The following ADCY9 variants were observed in gnomAD, a reference collection of about 807,000 sequenced individuals.
ADCY9 encodes the protein adenylate cyclase type 9.
ADCY9 carries 50 observed loss-of-function variants against 101.5 expected under a neutral mutation model. The ratio of observed to expected loss-of-function variants is 0.49; its 90% CI spans 0.39 to 0.62. The LOEUF (loss-of-function observed/expected upper bound fraction) is 0.62, where lower values mean the gene tolerates loss of function less well. Among genes scored for constraint, ADCY9 ranks in the 20% least tolerant of loss-of-function variants. The pLI is 0.00. For synonymous variants in ADCY9, 905 were observed against 769.3 expected, an observed-to-expected ratio of 1.18 and a Z score of -2.92; for missense variants, 1,662 against 1,800.4, an observed-to-expected ratio of 0.92 and a Z score of 1.39.
rs145973950 is a variant in ADCY9 at position 4,058,754 on chromosome 16, C to G, written c.1694-51196G>C. 5.5e-3 allele frequency among the ~76,000 whole-genome samples: 839 copies of G among 152,188 alleles called. 11 individuals carry two copies. The highest frequency in any genetic ancestry group is 0.019 in the African/African-American group (804 of 41,540). On this transcript the variant is annotated intron_variant, in intron 2 of 10. Coordinates refer to ENST00000294016, the MANE Select transcript of ADCY9 (RefSeq NM_001116.4). ...AAAAGGTGCAGCGGAACTGAGTCCA[C>G]CGAGGAGCTAAAAATCCCTCCGTCT...
In ADCY9 at chr16:3,967,672, C is replaced by CTT. The variant is rs1272840951; in HGVS notation, c.2871-708_2871-707dup. Among the ~76,000 whole-genome samples the CTT allele has an allele frequency of 3.8e-3, 561 of 148,898 alleles. 3 individuals carry two copies. The highest frequency in any genetic ancestry group is 4.5e-3 in the Admixed American group (67 of 14,936). On this transcript the variant is annotated intron_variant, in intron 10 of 10. Coordinates refer to ENST00000294016, the MANE Select transcript of ADCY9 (RefSeq NM_001116.4). ...CCTTCCAAAGTGCTGGGATTACAGG[C>CTT]TTGAACTGTGCTTGGCCTAACATCT...
At chr16:4,073,104 C>CT (rs1377449329) in intron 2 of ADCY9, among the ~76,000 whole-genome samples, 10 of 151,174 alleles carry the variant, frequency 6.6e-5, no homozygotes, top group African/African-American at 9.7e-5. Flanking sequence ...TAAACATTTT[C>CT]TTTTTTTTCA....
chr16:4,031,313 G>A (rs933101276), intron 2 of ADCY9, among the ~76,000 whole-genome samples: 8 of 152,110 alleles, frequency 5.3e-5, no homozygotes, highest in Non-Finnish European at 1.0e-4. Context: ...GTCAGTTAAC[G>A]GTTCAATGGC....
rs538644888 is a variant in ADCY9, at chr16:4,044,371, CA to C, written c.1694-36814del. On this transcript the variant is annotated intron_variant, in intron 2 of 10. Coordinates refer to ENST00000294016, the MANE Select transcript of ADCY9 (RefSeq NM_001116.4). ...CAAAAAAAACAAAAAAACAAAAAAA[CA>C]AAAAAAAAATTCTAAAACACTAGGT... 2.5e-3 allele frequency among the ~76,000 whole-genome samples: 369 copies of C among 147,788 alleles called. 1 individual carries two copies. Among genetic ancestry groups the C allele is most frequent in the African/African-American group, 8.6e-3 (346 of 40,348 alleles).
chr16:4,102,693 G>A (rs1419513419), intron 2 of ADCY9, among the ~76,000 whole-genome samples: 7 of 152,020 alleles, frequency 4.6e-5, no homozygotes, highest in Non-Finnish European at 7.4e-5. Flanking sequence ...CCAAAGTACT[G>A]GGATTACAGG....
intron 2 of ADCY9, among the ~76,000 whole-genome samples, chr16:4,107,966 C>T (rs951148578): frequency 1.3e-5 from 2 of 152,142 alleles, no homozygotes; most frequent in African/African-American, 4.8e-5. Context: ...TGCATACCAG[C>T]GGGTCTCCTC....
At chr16:4,008,522 G>C (rs1358197143) in intron 2 of ADCY9, among the ~76,000 whole-genome samples, 1 of 151,594 alleles carries the variant, frequency 6.6e-6, no homozygotes, top group Admixed American at 6.6e-5. Flanking sequence ...TTCAGGCCTA[G>C]TGTATGCCAC....
intron 2 of ADCY9, 99 bp from the exon 3 acceptor site, chr16:4,007,657 T>C: frequency 9.7e-7 from 1 of 1,032,954 alleles, no homozygotes; most frequent in East Asian, 2.5e-5. Flanking sequence ...TCCTGGAAAG[T>C]TGAGAGTAAA....
intron 2 of ADCY9, among the ~76,000 whole-genome samples, chr16:4,106,833 A>G (rs1158756543): frequency 6.6e-6 from 1 of 152,190 alleles, no homozygotes; most frequent in Non-Finnish European, 1.5e-5. Context: ...GCTGACCAAT[A>G]TGCAGAAACA....
At chr16:4,019,069 G>A (rs970521278) in intron 2 of ADCY9, among the ~76,000 whole-genome samples, 1 of 151,550 alleles carries the variant, frequency 6.6e-6, no homozygotes, top group Non-Finnish European at 1.5e-5. Flanking sequence ...TCGACGTCCT[G>A]GGCTCAAGTG....
intron 3 of ADCY9, among the ~76,000 whole-genome samples, chr16:4,006,219 G>A (rs952157309): frequency 2.6e-5 from 4 of 152,126 alleles, no homozygotes; most frequent in Non-Finnish European, 5.9e-5. Context: ...GGCAGGTGGC[G>A]GCTAGGGATG....
intron 2 of ADCY9, among the ~76,000 whole-genome samples, chr16:4,072,190 T>A (rs1378020923): frequency 6.6e-6 from 1 of 152,132 alleles, no homozygotes; most frequent in Non-Finnish European, 1.5e-5. Flanking sequence ...GCACCCTCCT[T>A]AAAGGCTCAG....
rs566950179 is a variant in ADCY9, at chr16:4,074,725, A to G, written c.1693+39025T>C. ...GGGCAATACCCAGTGGCAAAAAAAA[A>G]AAAAAATAGAAAACACACTAGCAAA... On this transcript the variant is annotated intron_variant, in intron 2 of 10. Coordinates refer to ENST00000294016, the MANE Select transcript of ADCY9 (RefSeq NM_001116.4). 4.6e-5 allele frequency among the ~76,000 whole-genome samples: 7 copies of G among 151,560 alleles called. No individual in the cohort carries two copies. The South Asian group carries it at 1.5e-3, about 32-fold the overall frequency.
intron 2 of ADCY9, among the ~76,000 whole-genome samples, chr16:4,109,299 G>A (rs535110486): frequency 1.3e-5 from 2 of 152,090 alleles, no homozygotes; most frequent in South Asian, 2.1e-4. Flanking sequence ...GTGCAATCAC[G>A]GCTCTCTGCA....
At chr16:3,969,611 TA>T (rs1240143560) in intron 10 of ADCY9, among the ~76,000 whole-genome samples, 3 of 96,430 alleles carry the variant, frequency 3.1e-5, no homozygotes, top group African/African-American at 1.7e-4. Flanking sequence ...TATATATATG[TA>T]TTTTTTTTTT....
At chr16:4,007,130 G>A in intron 3 of ADCY9, among the ~76,000 whole-genome samples, 1 of 152,174 alleles carries the variant, frequency 6.6e-6, no homozygotes, top group Non-Finnish European at 1.5e-5. Flanking sequence ...TAATTCAAAT[G>A]AGAAGCATCC....
At chr16:3,983,093 G>T in intron 7 of ADCY9, 139 bp downstream of exon 7, 1 of 808,302 alleles carries the variant, frequency 1.2e-6, no homozygotes, top group Non-Finnish European at 1.9e-6. Context: ...GCTCGGGGAG[G>T]ACACGGGGAC....
intron 2 of ADCY9, among the ~76,000 whole-genome samples, chr16:4,099,591 G>A (rs1597225917): frequency 1.3e-5 from 2 of 152,230 alleles, no homozygotes; most frequent in East Asian, 3.8e-4. Context: ...CACTGGGGTT[G>A]CATGAAGAGG....
Position 4,099,622 on chromosome 16 carries a change from G to C in ADCY9, c.1693+14128C>G, listed in dbSNP as rs571885136. Among the ~76,000 whole-genome samples the C allele has an allele frequency of 2.8e-4, 43 of 152,206 alleles. No individual in the cohort carries two copies. In the South Asian group the frequency reaches 8.7e-3, roughly 31 times the overall value. On this transcript the variant is annotated intron_variant, in intron 2 of 10. Transcript: ENST00000294016. Reference sequence around the variant, plus strand: ...AGAGGACTCAGCAGCCAACTTAAAGGGGCTCCCATGGGCCCCAAATGGGAC... The same window carrying C: ...AGAGGACTCAGCAGCCAACTTAAAGCGGCTCCCATGGGCCCCAAATGGGAC...
Sources: gnomAD v4.1 joint callset for allele counts (sites outside exome capture counted in the v4.1 genomes callset) on GRCh38, gnomAD v4.1.1 for gene constraint, MANE v1.5 for transcripts, NCBI Gene and HGNC (gene_info 2026-07-23, HGNC 2026-07-21) for gene names.